The following FBXL18 variants were observed in gnomAD, a reference collection of about 807,000 sequenced individuals.
The protein encoded by FBXL18 is F-box/LRR-repeat protein 18.
In FBXL18, 36 loss-of-function variants were observed where a neutral mutation model predicts 46.0. That is an observed-to-expected ratio of 0.78 (90% CI 0.60 to 1.03). The LOEUF (loss-of-function observed/expected upper bound fraction) is 1.03. Among genes scored for constraint, FBXL18 ranks in the 50% least tolerant of loss-of-function variants. The probability of loss-of-function intolerance (pLI) is 0.00; values close to 1 mark genes in which losing one functional copy is unlikely to be tolerated. For missense variants in FBXL18, 977 were observed against 1,004.1 expected (o/e 0.97, Z 0.36); for synonymous variants, 557 against 465.3 (o/e 1.20, Z -2.54).
intron 3 of FBXL18, among the ~76,000 whole-genome samples, chr7:5,498,254 A>AT (rs1179613120): frequency 4.4e-4 from 66 of 151,714 alleles, no homozygotes; most frequent in African/African-American, 1.4e-3. Context: ...CGCCCAGCTA[A>AT]TTTTTTGTAT....
chr7:5,458,851 T>G (rs1483386109), intron 4 of FBXL18, among the ~76,000 whole-genome samples: 6 of 151,924 alleles, frequency 3.9e-5, no homozygotes, highest in African/African-American at 1.5e-4. Flanking sequence ...CAGGGCATTT[T>G]GAAAGCAAGT....
At position 5,481,057 on chromosome 7, in the gene FBXL18, G is replaced by A. The variant is rs1783632814; in HGVS notation, c.*718C>T. ...GTGGGGTGGGTGGGAGGGGGAGGAG[G>A]CCTCTCTCGTTAGAAACGGGCCCTG... On this transcript the variant is annotated 3_prime_UTR_variant, in exon 5 of 5. Transcript: ENST00000382368. The A allele has an allele frequency of 6.6e-6, 1 of 152,090 alleles. No homozygotes were observed. The highest frequency in any genetic ancestry group is 2.1e-4 in the South Asian group (1 of 4,828). 9.4% of individuals were successfully genotyped at this position (152,090 alleles called of 1,614,324 possible). A position where few individuals can be genotyped will look rare whatever the true frequency, so the allele number is the denominator to read the frequency against.
intron 1 of FBXL18, among the ~76,000 whole-genome samples, chr7:5,509,675 C>G (rs1420946967): frequency 7.2e-6 from 1 of 139,326 alleles, no homozygotes; most frequent in Non-Finnish European, 1.5e-5. Context: ...GCACTCCAGC[C>G]TGGGTGACAG....
intron 4 of FBXL18, among the ~76,000 whole-genome samples, chr7:5,469,948 G>A (rs1412052053): frequency 1.3e-5 from 2 of 152,100 alleles, no homozygotes; most frequent in East Asian, 1.9e-4. Context: ...GTAAACGTCC[G>A]TGTGTGAATG....
rs1195387788 is a variant in FBXL18, at chr7:5,496,813, G to A, written c.1781+3675C>T. 6.6e-6 allele frequency among the ~76,000 whole-genome samples: 1 copy of A among 151,724 alleles called. No homozygotes were observed. The highest frequency in any genetic ancestry group is 2.4e-5 in the African/African-American group (1 of 41,238). On this transcript the variant is annotated intron_variant, in intron 3 of 4. Transcript: ENST00000382368. The surrounding 1 kb of genome is among the most constrained non-coding windows in gnomAD (Gnocchi z 4.8). Reference sequence around the variant, plus strand: ...GGCCGAGGTGGGCGGATCACCTGAGGTCAGGAGTTCGAGACCAGCCTGGCC... The same window carrying A: ...GGCCGAGGTGGGCGGATCACCTGAGATCAGGAGTTCGAGACCAGCCTGGCC...
downstream of FBXL18, among the ~76,000 whole-genome samples, chr7:5,471,960 C>T (rs1783434308): frequency 6.6e-6 from 1 of 152,146 alleles, no homozygotes; most frequent in Admixed American, 6.6e-5. Context: ...TGGTGGGGCG[C>T]ACCTACAGTC....
In FBXL18 at chr7:5,476,891, GTTT is replaced by G. The variant is rs59873304; in HGVS notation, c.*4881_*4883del. The G allele has an allele frequency of 0.036, 4,935 of 138,398 alleles. 112 individuals carry two copies. Among genetic ancestry groups the G allele is most frequent in the Non-Finnish European group, 0.054 (3,443 of 63,348 alleles). The allele number at this position is 138,398 out of a possible 1,614,324, so 8.6% of individuals were successfully genotyped here. A position where few individuals can be genotyped will look rare whatever the true frequency, so the allele number is the denominator to read the frequency against. On this transcript the variant is annotated 3_prime_UTR_variant, in exon 5 of 5. Transcript: ENST00000382368. ...CCCAGTAGATCTAGAAACTTCTTTT[GTTT>G]TTTTTTTTTTTGAGACGGAGTCTCA...
chr7:5,513,764 A>C lies in FBXL18; in HGVS notation c.-90T>G, dbSNP rs905574312. 6.6e-6 allele frequency: 10 copies of C among 1,513,948 alleles called. No individual in the cohort carries two copies. In the African/African-American group the frequency reaches 9.7e-5, roughly 15 times the overall value. 93.8% of individuals were successfully genotyped at this position (1,513,948 alleles called of 1,614,324 possible). ...AGGGATGCTCGAAGCCGGCGCGTCCACCGCTCAACCGAGACCCCGGCAAGG... is the reference window on the plus strand; with the variant it reads ...AGGGATGCTCGAAGCCGGCGCGTCCCCCGCTCAACCGAGACCCCGGCAAGG... On this transcript the variant is annotated 5_prime_UTR_variant, in exon 1 of 5. Coordinates refer to ENST00000382368, the MANE Select transcript of FBXL18 (RefSeq NM_024963.6).
At chr7:5,497,200 TA>T (rs1031311099) in intron 3 of FBXL18, among the ~76,000 whole-genome samples, 31 of 147,082 alleles carry the variant, frequency 2.1e-4, no homozygotes, top group South Asian at 2.1e-4. Flanking sequence ...AGACCATTTT[TA>T]AAAAAAAAAA....
intron 4 of FBXL18, among the ~76,000 whole-genome samples, chr7:5,486,025 C>T (rs1185451972): frequency 1.3e-5 from 2 of 151,570 alleles, no homozygotes; most frequent in Non-Finnish European, 2.9e-5. Context: ...TGCCACTGCA[C>T]TCCAGCCTGG....
chr7:5,471,300 G>A (rs1348578351), downstream of FBXL18, among the ~76,000 whole-genome samples: 3 of 152,158 alleles, frequency 2.0e-5, no homozygotes, highest in Admixed American at 6.5e-5. Context: ...ACGGGCCGGG[G>A]CTTTTTCGCT....
downstream of FBXL18, among the ~76,000 whole-genome samples, chr7:5,474,808 G>C (rs576002281): frequency 9.3e-5 from 14 of 150,376 alleles, no homozygotes; most frequent in South Asian, 6.3e-4. Flanking sequence ...CCCGGGTTCA[G>C]GCCATTCTCC....
chr7:5,465,308 C>T (rs1046925789), intron 4 of FBXL18, among the ~76,000 whole-genome samples: 1 of 151,856 alleles, frequency 6.6e-6, no homozygotes, highest in African/African-American at 2.4e-5. Context: ...TTGAGTGATT[C>T]TCCTGCCCCA....
rs957839797 is a variant in FBXL18 at position 5,486,803 on chromosome 7, G to C, written c.2000+4428C>G. Among the ~76,000 whole-genome samples, 5 of 152,230 alleles carry C rather than the reference G, an allele frequency of 3.3e-5. No individual in the cohort carries two copies. The South Asian group carries it at 8.3e-4, about 25-fold the overall frequency. On this transcript the variant is annotated intron_variant, in intron 4 of 4. Transcript: ENST00000382368. ...TCACCGGCGACAGGTCAGCAGCCAC[G>C]ACACCGGCCGGCCCTGCAGGCTGAG...
At chr7:5,487,367 C>T (rs1783802237) in intron 4 of FBXL18, among the ~76,000 whole-genome samples, 1 of 152,244 alleles carries the variant, frequency 6.6e-6, no homozygotes. Flanking sequence ...CTTTCAGCAG[C>T]CCTGGGGGAA....
rs561517477 is a variant in FBXL18, at chr7:5,467,447, G to C, written c.2001-19604C>G. 2.2e-4 allele frequency among the ~76,000 whole-genome samples: 34 copies of C among 151,886 alleles called. 2 individuals carry two copies. In the South Asian group the frequency reaches 6.7e-3, roughly 30 times the overall value. On this transcript the variant is annotated intron_variant and NMD_transcript_variant, in intron 4 of 6. Transcript: ENST00000415009. ...TATAATCCCAGTGACTCGGGAGGCT[G>C]AGGCAGGAGAATCACTTGAACCTGG...
chr7:5,500,813 C>T lies in FBXL18; in HGVS notation c.1456G>A (p.Glu486Lys). The change falls in exon 3 of 5, where the codon GAA becomes AAA. Residue 486 changes from glutamate to lysine, a missense_variant. Physicochemically the swap from Glu to Lys is moderately conservative, Grantham distance 56. Coordinates refer to ENST00000382368, the MANE Select transcript of FBXL18 (RefSeq NM_024963.6). ...WSLLKNLPFL[E>K]HLELIGSNFS... ...TTGGACCCAATCAGCTCGAGGTGTT[C>T]CAGGAAGGGCAGGTTCTTCAGCAGA... The T allele has an allele frequency of 6.2e-7, 1 of 1,612,466 alleles. No individual in the cohort carries two copies.
chr7:5,486,454 C>A (rs891155998), intron 4 of FBXL18, among the ~76,000 whole-genome samples: 2 of 151,690 alleles, frequency 1.3e-5, no homozygotes, highest in Non-Finnish European at 2.9e-5. Flanking sequence ...GAAAACAAAG[C>A]CAGCCTGGGC....
At chr7:5,467,208 A>G (rs968088275) in intron 4 of FBXL18, among the ~76,000 whole-genome samples, 2 of 152,194 alleles carry the variant, frequency 1.3e-5, no homozygotes, top group South Asian at 2.1e-4. Flanking sequence ...AAAATTAGCC[A>G]GGCGCGGTGG....
Sources: gnomAD v4.1 joint callset for allele counts (sites outside exome capture counted in the v4.1 genomes callset) on GRCh38, gnomAD v4.1.1 for gene constraint, Gnocchi (gnomAD v3.1) non-coding constraint, MANE v1.5 for transcripts, NCBI Gene and HGNC (gene_info 2026-07-23, HGNC 2026-07-21) for gene names.